The following HDAC9 variants were observed in gnomAD, a reference collection of about 807,000 sequenced individuals.
The protein encoded by HDAC9 is histone deacetylase 9.
A neutral mutation model predicts 139.4 loss-of-function variants in HDAC9; 41 were observed. The ratio of observed to expected loss-of-function variants is 0.29; its 90% CI spans 0.23 to 0.38. The LOEUF is 0.38. Among genes scored for constraint, HDAC9 ranks in the 10% least tolerant of loss-of-function variants. The pLI is 1.00. For missense variants in HDAC9, 1,147 were observed against 1,297.0 expected (o/e 0.88, Z 1.78); for synonymous variants, 517 against 476.2 (o/e 1.09, Z -1.12).
intron 2 of HDAC9, among the ~76,000 whole-genome samples, chr7:18,540,305 A>G (rs1209533697): frequency 6.6e-6 from 1 of 150,898 alleles, no homozygotes; most frequent in African/African-American, 2.4e-5. Flanking sequence ...GTTGGGTGGG[A>G]AAGTTTATAG....
intron 12 of HDAC9, among the ~76,000 whole-genome samples, chr7:18,688,852 T>C (rs1782468668): frequency 6.6e-6 from 1 of 151,912 alleles, no homozygotes; most frequent in South Asian, 2.1e-4. Context: ...CAAGTAAATA[T>C]CTTTCCATGA....
rs181907916 is a variant in HDAC9, at chr7:18,946,665, A to G, written c.2938-7481A>G. On this transcript the variant is annotated intron_variant, in intron 23 of 25. Transcript: ENST00000686413. ...AAGACAGCATGAAAACATATTAAGT[A>G]TACATGGAAAGAACCAAATGAAAAA... is the stretch of plus-strand genomic sequence containing the variant. 1.9e-3 allele frequency among the ~76,000 whole-genome samples: 290 copies of G among 152,254 alleles called. 2 individuals are homozygous for G. Among genetic ancestry groups the G allele is most frequent in the African/African-American group, 6.9e-3 (285 of 41,576 alleles).
At chr7:18,472,718 T>C (rs1794818100) in intron 1 of HDAC9, among the ~76,000 whole-genome samples, 1 of 152,178 alleles carries the variant, frequency 6.6e-6, no homozygotes, top group Non-Finnish European at 1.5e-5. Flanking sequence ...TCTAAATACA[T>C]AGAGCATGCC....
intron 1 of HDAC9, among the ~76,000 whole-genome samples, chr7:18,117,713 T>C (rs551632834): frequency 2.3e-4 from 35 of 152,202 alleles, no homozygotes; most frequent in Admixed American, 2.2e-3. Flanking sequence ...AGAGGGAGCG[T>C]GGACCTGCTG....
chr7:18,460,743 G>A (rs370046050), intron 1 of HDAC9, among the ~76,000 whole-genome samples: 2 of 145,956 alleles, frequency 1.4e-5, no homozygotes, highest in African/African-American at 5.1e-5. Context: ...AGCTGAGATC[G>A]CGCCATTGCA....
chr7:18,163,116 T>C (rs1787763375), intron 2 of HDAC9, among the ~76,000 whole-genome samples: 1 of 152,178 alleles, frequency 6.6e-6, no homozygotes. Flanking sequence ...AAGTTGAAGC[T>C]TATGTACTAT....
chr7:18,549,973 C>G (rs1264502289), intron 2 of HDAC9, among the ~76,000 whole-genome samples: 1 of 150,890 alleles, frequency 6.6e-6, no homozygotes, highest in Admixed American at 6.6e-5. Flanking sequence ...ACTGAGATAG[C>G]TTACTTTTCT....
At chr7:18,205,410 A>G (rs1791430604) in intron 2 of HDAC9, among the ~76,000 whole-genome samples, 1 of 152,048 alleles carries the variant, frequency 6.6e-6, no homozygotes, top group African/African-American at 2.4e-5. Context: ...AACTGTGAAT[A>G]TGGAAATTAA....
At chr7:18,173,415 G>A (rs956494705) in intron 2 of HDAC9, among the ~76,000 whole-genome samples, 1 of 152,156 alleles carries the variant, frequency 6.6e-6, no homozygotes, top group African/African-American at 2.4e-5. Context: ...CAATTTGCCA[G>A]TGTGTGTCTT....
At chr7:18,947,931 C>G (rs1028953116) in intron 23 of HDAC9, among the ~76,000 whole-genome samples, 1 of 151,976 alleles carries the variant, frequency 6.6e-6, no homozygotes, top group Non-Finnish European at 1.5e-5. Flanking sequence ...AACATATCAA[C>G]TTTCCAAACT....
At chr7:18,396,572 A>C (rs920083946) in intron 1 of HDAC9, among the ~76,000 whole-genome samples, 5 of 152,026 alleles carry the variant, frequency 3.3e-5, no homozygotes. Flanking sequence ...CTTGAATTAG[A>C]TTCTATCCTG....
chr7:18,347,475 T>G (rs1782506393), intron 1 of HDAC9, among the ~76,000 whole-genome samples: 1 of 152,184 alleles, frequency 6.6e-6, no homozygotes, highest in South Asian at 2.1e-4. Flanking sequence ...CTACCACTAA[T>G]GGGAAAACAA....
At chr7:18,835,782 A>T (rs1249120531) in intron 20 of HDAC9, 118 bp from the exon 21 acceptor site, 3 of 978,328 alleles carry the variant, frequency 3.1e-6, no homozygotes, top group Non-Finnish European at 4.7e-6. Flanking sequence ...GGTTGGGCTG[A>T]TTTGATGTGT....
At chr7:18,653,645 C>A (rs1347121489) in intron 11 of HDAC9, among the ~76,000 whole-genome samples, 1 of 151,934 alleles carries the variant, frequency 6.6e-6, no homozygotes, top group African/African-American at 2.4e-5. Context: ...AAGACAAGAC[C>A]AGTAAATGTG....
At chr7:18,744,012 G>GGTTTTTTTTTTTTTTT (rs1787701197) in intron 13 of HDAC9, among the ~76,000 whole-genome samples, 1 of 110,448 alleles carries the variant, frequency 9.1e-6, no homozygotes, top group African/African-American at 3.5e-5. Flanking sequence ...TTTACTACTA[G>GGTTTTTTTTTTTTTTT]TTTTTTTTTT....
chr7:18,475,098 T>C (rs1269474869), intron 1 of HDAC9, among the ~76,000 whole-genome samples: 1 of 152,218 alleles, frequency 6.6e-6, no homozygotes, highest in Non-Finnish European at 1.5e-5. Context: ...TGTAGTGTCA[T>C]GGTCAGGAGG....
chr7:18,524,820 A>G (rs1806268770), intron 2 of HDAC9, among the ~76,000 whole-genome samples: 2 of 151,416 alleles, frequency 1.3e-5, no homozygotes, highest in Admixed American at 6.6e-5. Flanking sequence ...GAGCCTGTGT[A>G]AAAGATTTTG....
intron 8 of HDAC9, among the ~76,000 whole-genome samples, chr7:18,639,010 C>T (rs1438184474): frequency 6.6e-6 from 1 of 152,016 alleles, no homozygotes; most frequent in Non-Finnish European, 1.5e-5. Context: ...TATTTGATAG[C>T]TATTTTAACG....
intron 22 of HDAC9, among the ~76,000 whole-genome samples, chr7:18,882,867 T>C (rs1799836225): frequency 6.6e-6 from 1 of 152,136 alleles, no homozygotes; most frequent in African/African-American, 2.4e-5. Flanking sequence ...GACTCCTGTT[T>C]GAAGAAAATG....
Sources: allele counts gnomAD v4.1 joint callset (sites outside exome capture counted in the v4.1 genomes callset), GRCh38; gene constraint gnomAD v4.1.1; transcripts MANE v1.5; gene names NCBI Gene and HGNC (gene_info 2026-07-23, HGNC 2026-07-21).